Variants in GABRG3 observed in about 807,000 individuals in gnomAD.
GABRG3 encodes the protein gamma-aminobutyric acid type A receptor subunit gamma3.
In GABRG3, 25 loss-of-function variants were observed where a neutral mutation model predicts 48.8. The ratio of observed to expected loss-of-function variants is 0.51; its 90% CI spans 0.37 to 0.72. The LOEUF (loss-of-function observed/expected upper bound fraction) is 0.72, where lower values mean the gene tolerates loss of function less well. Ranked by LOEUF, GABRG3 falls within the 30% of genes least tolerant of loss-of-function variation. The pLI, the probability that GABRG3 is intolerant of heterozygous loss-of-function variation, is 0.00. For synonymous variants in GABRG3, 227 were observed against 217.6 expected, an observed-to-expected ratio of 1.04 and a Z score of -0.38; for missense variants, 394 against 577.9, an observed-to-expected ratio of 0.68 and a Z score of 3.26.
intron 6 of GABRG3, among the ~76,000 whole-genome samples, chr15:27,485,531 A>C (rs1008329053): frequency 1.3e-5 from 2 of 152,184 alleles, no homozygotes; most frequent in African/African-American, 4.8e-5. Context: ...AGTGCAAAAT[A>C]GACTGAAAAA....
At chr15:27,419,080 A>G (rs1438620023) in intron 5 of GABRG3, 1 of 152,214 alleles carries the variant, frequency 6.6e-6, no homozygotes, top group East Asian at 1.9e-4. Flanking sequence ...TTGTGTTGCA[A>G]TTCACTTTTC....
intron 2 of GABRG3, among the ~76,000 whole-genome samples, chr15:26,980,459 C>T (rs931013425): frequency 2.6e-5 from 4 of 152,036 alleles, no homozygotes; most frequent in Admixed American, 6.5e-5. Context: ...AGGAGGATCA[C>T]GAGGTCAGGA....
rs567232565 is a variant in GABRG3 at position 27,521,620 on chromosome 15, A to G, written c.865+1496A>G. 2.0e-5 allele frequency among the ~76,000 whole-genome samples: 3 copies of G among 152,252 alleles called. No individual in the cohort carries two copies. In the East Asian group the frequency reaches 5.8e-4, roughly 29 times the overall value. On this transcript the variant is annotated intron_variant, in intron 7 of 9. Transcript: ENST00000615808. ...AGCTATTATAACAATGAAGACTTAA[A>G]GGATAATATGATTTTAATTAATGAA... is the stretch of plus-strand genomic sequence containing the variant.
At chr15:27,424,765 G>T (rs904940521) in intron 5 of GABRG3, among the ~76,000 whole-genome samples, 1 of 152,056 alleles carries the variant, frequency 6.6e-6, no homozygotes, top group African/African-American at 2.4e-5. Context: ...TGTTGGCCAG[G>T]CTGGTCTCGA....
At chr15:27,470,178 C>T (rs1016375168) in intron 5 of GABRG3, among the ~76,000 whole-genome samples, 1 of 151,964 alleles carries the variant, frequency 6.6e-6, no homozygotes, top group South Asian at 2.1e-4. Flanking sequence ...CAGTACCTTG[C>T]ATTTCTCTTA....
chr15:26,984,183 T>TG (rs1345243382), intron 2 of GABRG3, among the ~76,000 whole-genome samples: 1 of 152,194 alleles, frequency 6.6e-6, no homozygotes, highest in Non-Finnish European at 1.5e-5. Flanking sequence ...TCTACAGCAT[T>TG]GTTGTGTACT....
At chr15:27,373,277 A>G (rs1895473992) in intron 5 of GABRG3, among the ~76,000 whole-genome samples, 1 of 152,228 alleles carries the variant, frequency 6.6e-6, no homozygotes, top group Admixed American at 6.5e-5. Context: ...AATACTGTCA[A>G]GTGTTTTTAT....
At chr15:27,388,353 TAAGG>T (rs1243882500) in intron 5 of GABRG3, among the ~76,000 whole-genome samples, 4 of 14,702 alleles carry the variant, frequency 2.7e-4, no homozygotes, top group Non-Finnish European at 5.5e-4. Flanking sequence ...GGAGGGAGGG[TAAGG>T]AAGGAAGGAA....
intron 3 of GABRG3, among the ~76,000 whole-genome samples, chr15:27,325,172 A>G (rs1417710587): frequency 6.6e-6 from 1 of 152,164 alleles, no homozygotes; most frequent in African/African-American, 2.4e-5. Context: ...AGGTTATATG[A>G]CAGAAACACA....
chr15:27,246,551 T>G lies in GABRG3; in HGVS notation c.271-80258T>G, dbSNP rs866715552. ...AAACATTATCTACAAAACTTTTCTT[T>G]TAAGGAAAGTACCCAGAAAACCTTT... On this transcript the variant is annotated intron_variant, in intron 3 of 9. Transcript: ENST00000615808. Among the ~76,000 whole-genome samples, 11 of 152,328 alleles carry G rather than the reference T, an allele frequency of 7.2e-5. No homozygotes were observed. In the South Asian group the frequency reaches 2.3e-3, roughly 32 times the overall value.
intron 6 of GABRG3, among the ~76,000 whole-genome samples, chr15:27,507,893 T>C (rs1890799585): frequency 1.3e-5 from 2 of 152,338 alleles, no homozygotes; most frequent in South Asian, 4.1e-4. Flanking sequence ...GAATCCATCC[T>C]TTTATCATTA....
chr15:27,089,759 G>C (rs879283914), intron 3 of GABRG3, among the ~76,000 whole-genome samples: 1 of 152,340 alleles, frequency 6.6e-6, no homozygotes, highest in Admixed American at 6.5e-5. Flanking sequence ...GCATTTGTTC[G>C]TTCTGAATAT....
intron 5 of GABRG3, among the ~76,000 whole-genome samples, chr15:27,341,364 T>C (rs2140528814): frequency 6.6e-6 from 1 of 152,308 alleles, no homozygotes; most frequent in African/African-American, 2.4e-5. Flanking sequence ...GATGCATGTA[T>C]TCACTCAAAA....
At chr15:27,278,484 C>T (rs534931547) in intron 3 of GABRG3, among the ~76,000 whole-genome samples, 24 of 152,284 alleles carry the variant, frequency 1.6e-4, no homozygotes, top group Non-Finnish European at 1.3e-4. Context: ...CATGCCACCC[C>T]CCATCCCTAA....
intron 5 of GABRG3, among the ~76,000 whole-genome samples, chr15:27,430,251 C>T (rs1259459260): frequency 6.6e-6 from 1 of 152,164 alleles, no homozygotes; most frequent in Non-Finnish European, 1.5e-5. Flanking sequence ...ATTGGGTTAT[C>T]ATTTTTATTG....
intron 5 of GABRG3, chr15:27,350,225 G>A (rs578177679): frequency 6.4e-5 from 29 of 455,010 alleles, no homozygotes; most frequent in Middle Eastern, 6.5e-4. Context: ...TCGGAGACTC[G>A]CTTCCATTCG....
intron 6 of GABRG3, among the ~76,000 whole-genome samples, chr15:27,482,231 A>G (rs980817894): frequency 6.6e-6 from 1 of 152,238 alleles, no homozygotes; most frequent in Non-Finnish European, 1.5e-5. Context: ...TTACAACCAC[A>G]TTCAATCTTT....
At chr15:27,125,957 A>G (rs1279257091) in intron 3 of GABRG3, among the ~76,000 whole-genome samples, 1 of 152,248 alleles carries the variant, frequency 6.6e-6, no homozygotes, top group African/African-American at 2.4e-5. Flanking sequence ...GGAGCTTCCA[A>G]ATGGCATGTT....
chr15:27,146,088 G>A (rs1485928200), intron 3 of GABRG3, among the ~76,000 whole-genome samples: 2 of 152,108 alleles, frequency 1.3e-5, no homozygotes, highest in Non-Finnish European at 2.9e-5. Context: ...TAGCAGACTT[G>A]CCTGCAAGAA....
Sources: gnomAD v4.1 joint callset for allele counts (sites outside exome capture counted in the v4.1 genomes callset) on GRCh38, gnomAD v4.1.1 for gene constraint, MANE v1.5 for transcripts, NCBI Gene and HGNC (gene_info 2026-07-23, HGNC 2026-07-21) for gene names.